TTBK2: variants seen among roughly 807,000 people sequenced by gnomAD.
The protein encoded by TTBK2 is tau tubulin kinase 2.
A neutral mutation model predicts 110.8 loss-of-function variants in TTBK2; 28 were observed. That is an observed-to-expected ratio of 0.25 (90% CI 0.19 to 0.35). TTBK2 has a LOEUF of 0.35. TTBK2 is among the 10% of genes least tolerant of loss of function. The pLI is 1.00. For missense variants in TTBK2, 1,369 were observed against 1,500.3 expected (o/e 0.91, Z 1.45); for synonymous variants, 532 against 527.3 (o/e 1.01, Z -0.12).
At chr15:42,789,629 G>C (rs1890558679) in intron 10 of TTBK2, among the ~76,000 whole-genome samples, 1 of 152,104 alleles carries the variant, frequency 6.6e-6, no homozygotes, top group Non-Finnish European at 1.5e-5. Context: ...AGCTACTCAG[G>C]AGTCTGAGGC....
intron 13 of TTBK2, among the ~76,000 whole-genome samples, chr15:42,766,507 A>G (rs1438231413): frequency 2.7e-5 from 4 of 150,456 alleles, no homozygotes; most frequent in Non-Finnish European, 5.9e-5. Flanking sequence ...AACAGACTTT[A>G]AACCAACAAA....
At chr15:42,871,143 T>A (rs1032702942) in intron 3 of TTBK2, among the ~76,000 whole-genome samples, 2 of 151,884 alleles carry the variant, frequency 1.3e-5, no homozygotes, top group African/African-American at 4.8e-5. Context: ...GAGAAGAGAG[T>A]CAAGGACTAC....
At chr15:42,795,735 C>G (rs1213105213) in intron 9 of TTBK2, among the ~76,000 whole-genome samples, 1 of 150,076 alleles carries the variant, frequency 6.7e-6, no homozygotes. Flanking sequence ...CCCAGCTACT[C>G]AGGAGGCTGA....
At chr15:42,864,542 C>A (rs11504666) in intron 3 of TTBK2, among the ~76,000 whole-genome samples, 6,604 of 151,984 alleles carry the variant, frequency 0.043, 449 homozygotes, top group African/African-American at 0.14. Flanking sequence ...TGAGATAGCG[C>A]CACTGCACCC....
chr15:42,847,895 T>C (rs565685809), intron 3 of TTBK2, among the ~76,000 whole-genome samples: 12 of 152,332 alleles, frequency 7.9e-5, no homozygotes, highest in South Asian at 2.1e-4. Context: ...CTTTGTCACC[T>C]AGGTTGGAGT....
intron 1 of TTBK2, among the ~76,000 whole-genome samples, chr15:42,896,230 A>G (rs1895661737): frequency 6.6e-6 from 1 of 152,094 alleles, no homozygotes; most frequent in African/African-American, 2.4e-5. Context: ...CGGGAGGCTG[A>G]GGCAGGAGAA....
chr15:42,808,422 TATC>T (rs1407969258), intron 9 of TTBK2, among the ~76,000 whole-genome samples: 42 of 152,336 alleles, frequency 2.8e-4, no homozygotes, highest in Admixed American at 2.5e-3. Flanking sequence ...GCTGGAAACA[TATC>T]ATTGCTATTT....
intron 13 of TTBK2, among the ~76,000 whole-genome samples, chr15:42,770,408 A>G (rs1889618607): frequency 6.6e-6 from 1 of 152,144 alleles, no homozygotes; most frequent in Non-Finnish European, 1.5e-5. Context: ...GGTACTTAGC[A>G]TAGTACCCAA....
chr15:42,838,312 T>C (rs1260079397), intron 4 of TTBK2, among the ~76,000 whole-genome samples: 1 of 152,124 alleles, frequency 6.6e-6, no homozygotes, highest in East Asian at 1.9e-4. Context: ...AAGATCAAGA[T>C]GAACCATGGT....
intron 10 of TTBK2, among the ~76,000 whole-genome samples, chr15:42,789,122 C>T (rs1400678385): frequency 1.3e-5 from 2 of 151,876 alleles, no homozygotes; most frequent in Non-Finnish European, 2.9e-5. Context: ...AAGGTTATTC[C>T]TTATGCTGTC....
At chr15:42,913,612 T>C (rs1329105619) in intron 1 of TTBK2, among the ~76,000 whole-genome samples, 1 of 151,382 alleles carries the variant, frequency 6.6e-6, no homozygotes, top group East Asian at 1.9e-4. Flanking sequence ...CACTCCAGCC[T>C]GGGCGACAGA....
intron 6 of TTBK2, among the ~76,000 whole-genome samples, chr15:42,818,966 T>C (rs1191892405): frequency 6.6e-6 from 1 of 150,410 alleles, no homozygotes; most frequent in Non-Finnish European, 1.5e-5. Flanking sequence ...AAACATTGTC[T>C]CCATTCTACT....
At chr15:42,859,043 G>A (rs938689468) in intron 3 of TTBK2, among the ~76,000 whole-genome samples, 1 of 151,998 alleles carries the variant, frequency 6.6e-6, no homozygotes, top group Non-Finnish European at 1.5e-5. Context: ...GGAGAAATAA[G>A]TTAACTACAC....
intron 2 of TTBK2, among the ~76,000 whole-genome samples, chr15:42,877,979 A>G (rs1032747223): frequency 5.3e-5 from 8 of 151,580 alleles, no homozygotes; most frequent in African/African-American, 1.7e-4. Context: ...GGTTCATTAT[A>G]TAAGTCTATT....
intron 1 of TTBK2, among the ~76,000 whole-genome samples, chr15:42,885,397 C>T (rs746330946): frequency 6.6e-5 from 10 of 152,224 alleles, no homozygotes; most frequent in Admixed American, 2.0e-4. Context: ...TCAATCTTGG[C>T]GTCACCCTTC....
chr15:42,795,824 C>T (rs978581104), intron 9 of TTBK2, among the ~76,000 whole-genome samples: 13 of 129,486 alleles, frequency 1.0e-4, no homozygotes, highest in South Asian at 4.8e-4. Context: ...ACCTGGGTGA[C>T]GGAATGAGAA....
Position 42,752,636 on chromosome 15 carries a change from C to A in TTBK2, c.2610G>T (p.Val870=), listed in dbSNP as rs1477823610. The stretch of plus-strand genomic sequence containing the variant: ...ATATCTTATTTTTTTGCATTTCTGC[C>A]ACTTGGCCTATCTGACCTTCAACAT... ...DPHVEGQIGQ[V]AEMQKNKISK... Residue 870 remains valine (V), a synonymous_variant, in exon 14 of 15, where the codon GTG becomes GTT. Coordinates refer to ENST00000267890, the MANE Select transcript of TTBK2 (RefSeq NM_173500.4). The A allele has an allele frequency of 1.9e-6, 3 of 1,614,118 alleles. No individual in the cohort carries two copies. Among genetic ancestry groups the A allele is most frequent in the African/African-American group, 1.3e-5 (1 of 75,030 alleles).
intron 3 of TTBK2, among the ~76,000 whole-genome samples, chr15:42,866,367 T>C (rs1894373051): frequency 6.6e-6 from 1 of 152,140 alleles, no homozygotes; most frequent in Non-Finnish European, 1.5e-5. Context: ...ATGTGTCTCA[T>C]AATATCTAGA....
chr15:42,809,865 C>A (rs929590254), intron 9 of TTBK2, among the ~76,000 whole-genome samples: 1 of 152,184 alleles, frequency 6.6e-6, no homozygotes, highest in African/African-American at 2.4e-5. Context: ...ACTTCTTAGT[C>A]TTTTGACTGC....
Sources: allele counts gnomAD v4.1 joint callset (sites outside exome capture counted in the v4.1 genomes callset), GRCh38; gene constraint gnomAD v4.1.1; transcripts MANE v1.5; gene names NCBI Gene and HGNC (gene_info 2026-07-23, HGNC 2026-07-21).